SLC7A13: variants seen among roughly 807,000 people sequenced by gnomAD.
The protein encoded by SLC7A13 is solute carrier family 7 member 13.
SLC7A13 carries 31 observed loss-of-function variants against 32.0 expected under a neutral mutation model. The ratio of observed to expected loss-of-function variants is 0.97; its 90% CI spans 0.73 to 1.31. The LOEUF is 1.31. Ranked by LOEUF, SLC7A13 falls within the 50% of genes most tolerant of loss-of-function variation. The pLI is 0.00. For missense variants in SLC7A13, 633 were observed against 546.9 expected, an observed-to-expected ratio of 1.16 and a Z score of -1.57; for synonymous variants, 232 against 206.9, an observed-to-expected ratio of 1.12 and a Z score of -1.04.
At position 86,230,234 on chromosome 8, in the gene SLC7A13, T is replaced by A. The variant is rs780595642; in HGVS notation, c.44A>T (p.Tyr15Phe). The A allele has an allele frequency of 6.8e-6, 11 of 1,613,024 alleles. No individual in the cohort carries two copies. Among genetic ancestry groups the A allele is most frequent in the Non-Finnish European group, 8.5e-6 (10 of 1,179,528 alleles). The change falls in exon 1 of 4, where the codon TAT becomes TTT. Residue 15 changes from tyrosine to phenylalanine, a missense_variant. Transcript: ENST00000297524. ...AAGCAAAAAACTTGTGCCCCACCAA[T>A]ATCCAAACACTCTCTTGAGCTGTAT... Reference protein sequence around the residue: ...EKIQLKRVFGYWWGTSFLLIN... With the variant: ...EKIQLKRVFGFWWGTSFLLIN...
At chr8:86,219,463 T>C (rs1820251134) in intron 2 of SLC7A13, among the ~76,000 whole-genome samples, 1 of 152,192 alleles carries the variant, frequency 6.6e-6, no homozygotes, top group Non-Finnish European at 1.5e-5. Context: ...ATATATGTTT[T>C]AGGTGAAAAG....
rs879315431 is a variant in SLC7A13, at chr8:86,214,193, T to C, written c.*220A>G. The C allele has an allele frequency of 7.2e-5, 28 of 391,270 alleles. No homozygotes were observed. The highest frequency in any genetic ancestry group is 1.0e-4 in the Non-Finnish European group (23 of 219,614). The allele number at this position is 391,270 out of a possible 1,614,324, so 24.2% of individuals were successfully genotyped here. On this transcript the variant is annotated 3_prime_UTR_variant, in exon 4 of 4. Transcript: ENST00000297524. ...CAAGCTACGCAAACCAGGACTTAAG[T>C]TTTTTACCATGCGAAGCAGAGCTTT...
intron 2 of SLC7A13, among the ~76,000 whole-genome samples, chr8:86,220,709 T>C (rs1428173912): frequency 6.6e-6 from 1 of 152,090 alleles, no homozygotes; most frequent in Admixed American, 6.6e-5. Flanking sequence ...AATTTCTTAA[T>C]TTAAGAAACT....
rs1438244467 is a variant in SLC7A13, at chr8:86,223,025, A to G, written c.764T>C (p.Leu255Pro). The G allele has an allele frequency of 6.2e-7, 1 of 1,609,256 alleles. No individual in the cohort carries two copies. Among genetic ancestry groups the G allele is most frequent in the East Asian group, 2.2e-5 (1 of 44,618 alleles). ...AACAGTCAGATAGGAAATGTTAACC[A>G]GTAAATAAACTACAGTCACCAGAGG... ...ALPLVTVVYL[L>P]VNISYLTVLT... is the part of the protein sequence containing the mutation. Residue 255 changes from leucine (L) to proline (P), a missense_variant, in exon 2 of 4, where the codon CTG becomes CCG. Leu to Pro is a moderately conservative substitution (Grantham distance 98). Transcript: ENST00000297524.
At chr8:86,227,783 C>T (rs1820413350) in intron 1 of SLC7A13, among the ~76,000 whole-genome samples, 1 of 152,084 alleles carries the variant, frequency 6.6e-6, no homozygotes, top group Non-Finnish European at 1.5e-5. Flanking sequence ...CATGTCTTTT[C>T]CAGCAATGTG....
intron 1 of SLC7A13, among the ~76,000 whole-genome samples, chr8:86,228,973 A>G (rs1358138635): frequency 6.6e-6 from 1 of 152,120 alleles, no homozygotes; most frequent in African/African-American, 2.4e-5. Flanking sequence ...GAGACATCAC[A>G]CCCAGCCCTA....
intron 1 of SLC7A13, among the ~76,000 whole-genome samples, chr8:86,223,913 G>A (rs1311873948): frequency 6.6e-6 from 1 of 151,940 alleles, no homozygotes; most frequent in Admixed American, 6.6e-5. Flanking sequence ...CAAAATTTCT[G>A]AAGATAGACT....
At chr8:86,215,059 G>T (rs1820156446) in intron 3 of SLC7A13, among the ~76,000 whole-genome samples, 1 of 152,036 alleles carries the variant, frequency 6.6e-6, no homozygotes, top group South Asian at 2.1e-4. Context: ...CAGACTGTCT[G>T]TTACACAGGT....
intron 1 of SLC7A13, 147 bp downstream of exon 1, chr8:86,229,446 G>A (rs1820443535): frequency 9.3e-6 from 7 of 751,140 alleles, no homozygotes; most frequent in Non-Finnish European, 1.5e-5. Context: ...GGTAACAAGT[G>A]CCAGGCTGGC....
intron 2 of SLC7A13, 134 bp downstream of exon 2, chr8:86,222,836 CTG>C: frequency 1.2e-6 from 1 of 839,908 alleles, no homozygotes; most frequent in Non-Finnish European, 1.7e-6. Flanking sequence ...CTTTGGCCCT[CTG>C]TTATTTTAGA....
At chr8:86,217,054 AC>A (rs773797346) in intron 3 of SLC7A13, among the ~76,000 whole-genome samples, 1 of 152,226 alleles carries the variant, frequency 6.6e-6, no homozygotes, top group Non-Finnish European at 1.5e-5. Flanking sequence ...TAATTTGCCA[AC>A]AAAGTAAGCT....
intron 2 of SLC7A13, among the ~76,000 whole-genome samples, chr8:86,220,869 C>T (rs1167242736): frequency 1.3e-5 from 2 of 151,788 alleles, no homozygotes; most frequent in Non-Finnish European, 2.9e-5. Context: ...TGACCCATGC[C>T]TGTAATCCCA....
At chr8:86,214,673 A>G in intron 3 of SLC7A13, 27 bp from the exon 4 acceptor site, 2 of 1,529,998 alleles carry the variant, frequency 1.3e-6, no homozygotes, top group Non-Finnish European at 1.8e-6. Flanking sequence ...TTGAAAAAAT[A>G]TTGGATATGA....
intron 1 of SLC7A13, among the ~76,000 whole-genome samples, chr8:86,226,990 T>C (rs1177079660): frequency 2.0e-5 from 3 of 152,208 alleles, no homozygotes; most frequent in Non-Finnish European, 4.4e-5. Context: ...GGCACAGAAT[T>C]ATAGTCATTT....
At chr8:86,229,361 G>A (rs948618258) in intron 1 of SLC7A13, among the ~76,000 whole-genome samples, 1 of 152,134 alleles carries the variant, frequency 6.6e-6, no homozygotes, top group Non-Finnish European at 1.5e-5. Flanking sequence ...TGTGGTCCCA[G>A]AAAGGAAAGT....
At chr8:86,224,625 T>C (rs981575110) in intron 1 of SLC7A13, among the ~76,000 whole-genome samples, 1 of 152,180 alleles carries the variant, frequency 6.6e-6, no homozygotes, top group Non-Finnish European at 1.5e-5. Flanking sequence ...CCAAATTTTG[T>C]CCTACCCTGA....
chr8:86,224,013 T>C lies in SLC7A13; in HGVS notation c.686-910A>G, dbSNP rs114652821. Among the ~76,000 whole-genome samples the C allele has an allele frequency of 1.1e-3, 162 of 152,216 alleles. 1 individual carries two copies. Among genetic ancestry groups the C allele is most frequent in the African/African-American group, 3.7e-3 (153 of 41,556 alleles). On this transcript the variant is annotated intron_variant, in intron 1 of 3. Transcript: ENST00000297524. The stretch of plus-strand genomic sequence containing the variant: ...AGCCTCATCTATTAAGTCCTAGGCA[T>C]TGAGTTTGGATAGTGGGAATACAAT...
chr8:86,215,799 G>A (rs1820171607), intron 3 of SLC7A13: 1 of 299,252 alleles, frequency 3.3e-6, no homozygotes, highest in East Asian at 1.2e-4. Flanking sequence ...ATAACTGAGA[G>A]AAAAGAAAAG....
intron 3 of SLC7A13, 58 bp from the exon 4 acceptor site, chr8:86,214,704 C>A: frequency 8.6e-7 from 1 of 1,164,964 alleles, no homozygotes; most frequent in Non-Finnish European, 1.2e-6. Flanking sequence ...ATGATACCTG[C>A]ATATTCATAT....
Sources: gnomAD v4.1 joint callset for allele counts (sites outside exome capture counted in the v4.1 genomes callset) on GRCh38, gnomAD v4.1.1 for gene constraint, MANE v1.5 for transcripts, NCBI Gene and HGNC (gene_info 2026-07-23, HGNC 2026-07-21) for gene names.